LINC00237: variants seen among roughly 807,000 people sequenced by gnomAD.
LINC00237 encodes long intergenic non-protein coding RNA 237.
chr20:21,085,956 T>C (rs2030686205), intron 3 of LINC00237, among the ~76,000 whole-genome samples: 1 of 152,204 alleles, frequency 6.6e-6, no homozygotes, highest in African/African-American at 2.4e-5. Flanking sequence ...CAGCTCCCTT[T>C]AACCCTCAAG....
chr20:21,096,198 T>C (rs1023664343), intron 1 of LINC00237, among the ~76,000 whole-genome samples: 7 of 152,182 alleles, frequency 4.6e-5, no homozygotes, highest in African/African-American at 7.2e-5. Context: ...TATAACAAAA[T>C]GAACCAAAAT....
chr20:21,086,594 CTAGTATATATATGTATATA>C (rs2030698963), intron 3 of LINC00237, among the ~76,000 whole-genome samples: 4 of 78,148 alleles, frequency 5.1e-5, no homozygotes, highest in African/African-American at 1.9e-4. Context: ...ATAGTATACA[CTAGTATATATATGTATATA>C]TAGTATACTA....
chr20:21,096,778 C>T (rs774664914), intron 1 of LINC00237, among the ~76,000 whole-genome samples: 5 of 152,200 alleles, frequency 3.3e-5, no homozygotes, highest in Non-Finnish European at 5.9e-5. Context: ...CCGTTGGAGG[C>T]CCTCTCAGGC....
intron 3 of LINC00237, among the ~76,000 whole-genome samples, chr20:21,086,770 T>C (rs1255321699): frequency 8.2e-6 from 1 of 121,440 alleles, no homozygotes; most frequent in Admixed American, 8.7e-5. Flanking sequence ...ACATATACTA[T>C]ACTATACATG....
intron 1 of LINC00237, among the ~76,000 whole-genome samples, chr20:21,099,085 G>A (rs1600313753): frequency 6.6e-6 from 1 of 152,194 alleles, no homozygotes; most frequent in African/African-American, 2.4e-5. Context: ...TTTCCAGTTT[G>A]GGCCAACTCA....
chr20:21,102,552 T>G (rs1052406037), intron 1 of LINC00237, among the ~76,000 whole-genome samples: 1 of 152,146 alleles, frequency 6.6e-6, no homozygotes, highest in African/African-American at 2.4e-5. Context: ...AGAGAGAATT[T>G]AACACGGCCT....
rs2030923854 is a variant in LINC00237 at position 21,101,017 on chromosome 20, G to C, written n.88+5254C>G. The stretch of plus-strand genomic sequence containing the variant: ...CAACAATATCAATTAATCATGCAGC[G>C]GGCAAACAAGGAGATTTATCCCGCG... On this transcript the variant is annotated intron_variant and non_coding_transcript_variant, in intron 1 of 3. Transcript: ENST00000691244. This position sits in a 1 kb window ranked among gnomAD's most constrained non-coding sequence, Gnocchi z 4.3. Among the ~76,000 whole-genome samples, 1 of 152,050 alleles carries C rather than the reference G, an allele frequency of 6.6e-6. No individual in the cohort carries two copies. The highest frequency in any genetic ancestry group is 1.5e-5 in the Non-Finnish European group (1 of 68,032).
chr20:21,097,303 T>G (rs1160584728), intron 1 of LINC00237, among the ~76,000 whole-genome samples: 1 of 152,194 alleles, frequency 6.6e-6, no homozygotes, highest in East Asian at 1.9e-4. Context: ...TCATAACTTT[T>G]ACATGCTAAC....
In LINC00237 at chr20:21,101,012, G is replaced by A. The variant is rs1231039934; in HGVS notation, n.88+5259C>T. Among the ~76,000 whole-genome samples the A allele has an allele frequency of 6.6e-6, 1 of 152,124 alleles. No individual in the cohort carries two copies. Among genetic ancestry groups the A allele is most frequent in the African/African-American group, 2.4e-5 (1 of 41,412 alleles). ...CCAGACAACAATATCAATTAATCAT[G>A]CAGCGGGCAAACAAGGAGATTTATC... On this transcript the variant is annotated intron_variant and non_coding_transcript_variant, in intron 1 of 3. Coordinates refer to ENST00000691244, the Ensembl canonical transcript of LINC00237. This position sits in a 1 kb window ranked among gnomAD's most constrained non-coding sequence, Gnocchi z 4.3.
At chr20:21,091,140 G>A (rs2030787251) in intron 2 of LINC00237, among the ~76,000 whole-genome samples, 6 of 151,352 alleles carry the variant, frequency 4.0e-5, no homozygotes. Context: ...TATTCATGAG[G>A]TGCATAATCA....
At chr20:21,098,024 T>C (rs2030883019) in intron 1 of LINC00237, among the ~76,000 whole-genome samples, 1 of 152,172 alleles carries the variant, frequency 6.6e-6, no homozygotes, top group Admixed American at 6.5e-5. Flanking sequence ...ATATACTGCC[T>C]TGAAAAATAG....
At chr20:21,096,599 T>C (rs891543605) in intron 1 of LINC00237, among the ~76,000 whole-genome samples, 4 of 152,200 alleles carry the variant, frequency 2.6e-5, no homozygotes, top group Admixed American at 6.5e-5. Flanking sequence ...TGCCTATAGC[T>C]AGTTAGTGGA....
Position 21,088,854 on chromosome 20 carries a change from CA to C in LINC00237, n.473-825del, listed in dbSNP as rs990992605. On this transcript the variant is annotated intron_variant and non_coding_transcript_variant, in intron 2 of 3. Coordinates refer to ENST00000691244, the Ensembl canonical transcript of LINC00237. ...GATGAAATATACATAAAAGCTTTTC[CA>C]AAAAAAAAATCAACATGTTCGGTGC... Among the ~76,000 whole-genome samples the C allele has an allele frequency of 4.5e-4, 66 of 147,988 alleles. No homozygotes were observed. In the East Asian group the frequency reaches 5.5e-3, roughly 12 times the overall value.
At chr20:21,093,906 C>A (rs893477078) in intron 1 of LINC00237, 1 of 152,162 alleles carries the variant, frequency 6.6e-6, no homozygotes, top group Admixed American at 6.5e-5. Context: ...ACTAAGACAC[C>A]AGAGATTCAA....
chr20:21,086,111 T>C (rs1457016442), intron 3 of LINC00237, among the ~76,000 whole-genome samples: 6 of 152,216 alleles, frequency 3.9e-5, no homozygotes, highest in African/African-American at 9.6e-5. Context: ...GAAGGAGACA[T>C]TATTTTTATT....
intron 1 of LINC00237, among the ~76,000 whole-genome samples, chr20:21,097,231 C>T (rs1600313101): frequency 6.6e-6 from 1 of 152,268 alleles, no homozygotes; most frequent in East Asian, 1.9e-4. Flanking sequence ...CCCAGCACAG[C>T]TCATTTATAC....
chr20:21,099,659 C>T (rs1040698898), intron 1 of LINC00237, among the ~76,000 whole-genome samples: 3 of 152,158 alleles, frequency 2.0e-5, no homozygotes, highest in Admixed American at 1.3e-4. Context: ...AGGCGCCCTT[C>T]TTTTTTTATA....
intron 1 of LINC00237, among the ~76,000 whole-genome samples, chr20:21,100,191 T>TCAA (rs1345443288): frequency 6.6e-6 from 1 of 152,160 alleles, no homozygotes; most frequent in Non-Finnish European, 1.5e-5. Flanking sequence ...TCTTCAAGTT[T>TCAA]TTAGGGATGC....
intron 1 of LINC00237, among the ~76,000 whole-genome samples, chr20:21,104,682 C>A (rs1447576989): frequency 2.6e-5 from 4 of 152,182 alleles, no homozygotes; most frequent in Non-Finnish European, 5.9e-5. Flanking sequence ...TTCCAAATAT[C>A]CTGGAATTGC....
Sources: gnomAD v4.1 joint callset for allele counts (sites outside exome capture counted in the v4.1 genomes callset) on GRCh38, gnomAD v4.1.1 for gene constraint, Gnocchi (gnomAD v3.1) non-coding constraint, MANE v1.5 for transcripts, NCBI Gene and HGNC (gene_info 2026-07-23, HGNC 2026-07-21) for gene names.